Variants in ARSB observed in about 807,000 individuals in gnomAD.
The protein encoded by ARSB is arylsulfatase B.
A neutral mutation model predicts 50.9 loss-of-function variants in ARSB; 41 were observed. The ratio of observed to expected loss-of-function variants is 0.81; its 90% CI spans 0.63 to 1.04. The LOEUF (loss-of-function observed/expected upper bound fraction) is 1.04, where lower values mean the gene tolerates loss of function less well. Ranked by LOEUF, ARSB falls within the 50% of genes least tolerant of loss-of-function variation. The pLI is 0.00. For missense variants in ARSB, 672 were observed against 693.3 expected, an observed-to-expected ratio of 0.97 and a Z score of 0.35; for synonymous variants, 269 against 284.8, an observed-to-expected ratio of 0.94 and a Z score of 0.56.
In ARSB at chr5:78,777,922, T is replaced by A. The variant is rs577054714; in HGVS notation, c.*2475A>T. 9 of 152,052 alleles carry A rather than the reference T, an allele frequency of 5.9e-5. No individual in the cohort carries two copies. In the South Asian group the frequency reaches 1.7e-3, roughly 28 times the overall value. The allele number at this position is 152,052 out of a possible 1,614,324, so 9.4% of individuals were successfully genotyped here. A position where few individuals can be genotyped will look rare whatever the true frequency, so the allele number is the denominator to read the frequency against. On this transcript the variant is annotated 3_prime_UTR_variant, in exon 8 of 8. Transcript: ENST00000264914. Reference sequence around the variant, plus strand: ...ACAACAATATATCAATCTTTTCACATTCTTATATAGAATCAGAGAATCTAA... The same window carrying A: ...ACAACAATATATCAATCTTTTCACAATCTTATATAGAATCAGAGAATCTAA...
At chr5:78,842,619 C>T (rs1053754458) in intron 5 of ARSB, among the ~76,000 whole-genome samples, 4 of 152,138 alleles carry the variant, frequency 2.6e-5, no homozygotes, top group Non-Finnish European at 5.9e-5. Flanking sequence ...AGTAAATACC[C>T]ATATGTTTTC....
intron 1 of ARSB, 95 bp downstream of exon 1, chr5:78,984,832 GAGCCCCGCCT>G: frequency 7.3e-6 from 7 of 962,890 alleles, no homozygotes; most frequent in Non-Finnish European, 9.2e-6. Flanking sequence ...TCGGCGGTCC[GAGCCCCGCCT>G]GCCAGCGCCC....
intron 5 of ARSB, among the ~76,000 whole-genome samples, chr5:78,849,313 T>C (rs901448413): frequency 6.4e-4 from 97 of 152,332 alleles, no homozygotes; most frequent in African/African-American, 2.1e-3. Context: ...CACCATTTAT[T>C]AAATGGGGAA....
At chr5:78,894,007 C>T (rs1748455947) in intron 4 of ARSB, among the ~76,000 whole-genome samples, 1 of 152,192 alleles carries the variant, frequency 6.6e-6, no homozygotes, top group South Asian at 2.1e-4. Context: ...CATTATTTGG[C>T]TCCCCTTTCA....
chr5:78,838,252 G>A (rs1745034015), intron 6 of ARSB, among the ~76,000 whole-genome samples: 1 of 152,194 alleles, frequency 6.6e-6, no homozygotes, highest in Non-Finnish European at 1.5e-5. Context: ...GAGACATGGG[G>A]CTGGGTTTTT....
chr5:78,911,457 C>T (rs1033227479), intron 4 of ARSB, among the ~76,000 whole-genome samples: 2 of 151,436 alleles, frequency 1.3e-5, no homozygotes, highest in Non-Finnish European at 2.9e-5. Context: ...GCCTGTAATT[C>T]CAGCTACTCA....
At chr5:78,969,240 G>A (rs1192701750) in intron 1 of ARSB, 48 bp from the exon 2 acceptor site, 10 of 1,601,496 alleles carry the variant, frequency 6.2e-6, no homozygotes, top group African/African-American at 2.7e-5. Context: ...TTGAAATATT[G>A]TGAACAAGCA....
chr5:78,900,822 G>A (rs1174475613), intron 4 of ARSB, among the ~76,000 whole-genome samples: 2 of 152,042 alleles, frequency 1.3e-5, no homozygotes, highest in Non-Finnish European at 2.9e-5. Context: ...GGCAGATCAC[G>A]AGGTCAGGAG....
intron 5 of ARSB, among the ~76,000 whole-genome samples, chr5:78,873,226 C>T (rs1205570629): frequency 1.3e-5 from 2 of 151,898 alleles, no homozygotes; most frequent in Non-Finnish European, 2.9e-5. Flanking sequence ...AGACATCACA[C>T]TTTTTAAAGG....
intron 4 of ARSB, among the ~76,000 whole-genome samples, chr5:78,897,457 T>G (rs996006922): frequency 1.3e-5 from 2 of 152,242 alleles, no homozygotes; most frequent in Non-Finnish European, 2.9e-5. Context: ...CTCATTACCT[T>G]GTGAATTTAA....
chr5:78,961,767 G>C (rs890859678), intron 3 of ARSB, among the ~76,000 whole-genome samples: 1 of 151,824 alleles, frequency 6.6e-6, no homozygotes, highest in African/African-American at 2.4e-5. Flanking sequence ...GCTGGCTTCT[G>C]CTTGCCTCTC....
chr5:78,910,540 T>C (rs569411315), intron 4 of ARSB, among the ~76,000 whole-genome samples: 3 of 152,270 alleles, frequency 2.0e-5, no homozygotes, highest in African/African-American at 7.2e-5. Context: ...AAATTTTCAG[T>C]GTAAAAATAA....
At chr5:78,882,496 A>C (rs1164469060) in intron 5 of ARSB, among the ~76,000 whole-genome samples, 1 of 152,224 alleles carries the variant, frequency 6.6e-6, no homozygotes, top group African/African-American at 2.4e-5. Context: ...CAAAATGTAG[A>C]CAAACAGTTC....
intron 6 of ARSB, among the ~76,000 whole-genome samples, chr5:78,812,584 T>G (rs180858192): frequency 0.014 from 1,533 of 105,824 alleles, 25 homozygotes; most frequent in South Asian, 0.044. Context: ...ATATGAACAT[T>G]CTGTTCAAAC....
chr5:78,942,436 C>T (rs915022268), intron 4 of ARSB, among the ~76,000 whole-genome samples: 62 of 152,272 alleles, frequency 4.1e-4, no homozygotes, highest in South Asian at 6.2e-4. Flanking sequence ...ACAAATTTCC[C>T]TCTACACACT....
chr5:78,813,929 CA>C (rs1743902523), intron 6 of ARSB, among the ~76,000 whole-genome samples: 1 of 152,034 alleles, frequency 6.6e-6, no homozygotes, highest in Non-Finnish European at 1.5e-5. Context: ...TTCTAATATA[CA>C]AAATTGTTTG....
intron 6 of ARSB, among the ~76,000 whole-genome samples, chr5:78,796,779 G>A (rs950077085): frequency 3.3e-5 from 5 of 149,542 alleles, no homozygotes; most frequent in Middle Eastern, 3.6e-3. Flanking sequence ...TCAGCCTCCC[G>A]AGTAGCTGGG....
intron 4 of ARSB, among the ~76,000 whole-genome samples, chr5:78,909,012 C>T (rs1749189919): frequency 6.6e-6 from 1 of 152,178 alleles, no homozygotes; most frequent in African/African-American, 2.4e-5. Flanking sequence ...CCACTTGGAT[C>T]AAGCTCTTGA....
Position 78,779,307 on chromosome 5 carries a change from T to C in ARSB, c.*1090A>G, listed in dbSNP as rs1365813988. The C allele has an allele frequency of 6.6e-6, 1 of 152,140 alleles. No homozygotes were observed. Among genetic ancestry groups the C allele is most frequent in the African/African-American group, 2.4e-5 (1 of 41,434 alleles). 9.4% of individuals were successfully genotyped at this position (152,140 alleles called of 1,614,324 possible). A position where few individuals can be genotyped will look rare whatever the true frequency, so the allele number is the denominator to read the frequency against. On this transcript the variant is annotated 3_prime_UTR_variant, in exon 8 of 8. Transcript: ENST00000264914. ...GAATAAGAGGACTGTGGGTGTGCCC[T>C]CCTCTGCTTTACCAAGGCCCAGTAT...
Sources: gnomAD v4.1 joint callset for allele counts (sites outside exome capture counted in the v4.1 genomes callset) on GRCh38, gnomAD v4.1.1 for gene constraint, MANE v1.5 for transcripts, NCBI Gene and HGNC (gene_info 2026-07-23, HGNC 2026-07-21) for gene names.